PCDH9: variants seen among roughly 807,000 people sequenced by gnomAD.
PCDH9 encodes protocadherin 9, also known as protocadherin-9.
Under a neutral mutation model 70.6 loss-of-function variants are expected in PCDH9, and 24 were observed. That is an observed-to-expected ratio of 0.34 (90% CI 0.25 to 0.48). The LOEUF is 0.48. Among genes scored for constraint, PCDH9 ranks in the 20% least tolerant of loss-of-function variants. The probability of loss-of-function intolerance (pLI) is 0.99; values close to 1 mark genes in which losing one functional copy is unlikely to be tolerated. For synonymous variants in PCDH9, 562 were observed against 558.5 expected, an observed-to-expected ratio of 1.01 and a Z score of -0.09; for missense variants, 1,281 against 1,503.6, an observed-to-expected ratio of 0.85 and a Z score of 2.45.
At chr13:66,428,035 T>C (rs1252982835) in intron 4 of PCDH9, among the ~76,000 whole-genome samples, 3 of 151,716 alleles carry the variant, frequency 2.0e-5, no homozygotes, top group South Asian at 2.1e-4. Flanking sequence ...CTCTTCTTGA[T>C]GAAAAATATG....
chr13:66,818,495 T>C (rs2080647766), intron 3 of PCDH9, among the ~76,000 whole-genome samples: 1 of 152,132 alleles, frequency 6.6e-6, no homozygotes, highest in Admixed American at 6.5e-5. Flanking sequence ...TGCTGTGACA[T>C]AGTATCTGCA....
intron 3 of PCDH9, among the ~76,000 whole-genome samples, chr13:66,713,446 T>G (rs1036366156): frequency 4.6e-5 from 7 of 151,470 alleles, no homozygotes; most frequent in African/African-American, 1.5e-4. Context: ...ACTCATTCTC[T>G]ACTTCAAAGC....
chr13:66,811,618 A>C (rs2080507160), intron 3 of PCDH9, among the ~76,000 whole-genome samples: 1 of 142,462 alleles, frequency 7.0e-6, no homozygotes, highest in South Asian at 2.2e-4. Flanking sequence ...TGCCTGCCTA[A>C]CCTGCCTTCC....
intron 3 of PCDH9, among the ~76,000 whole-genome samples, chr13:66,790,728 C>T (rs2080151066): frequency 6.6e-6 from 1 of 151,902 alleles, no homozygotes; most frequent in Non-Finnish European, 1.5e-5. Context: ...ATTTATTTTT[C>T]AAGTGCCCAA....
chr13:66,544,073 A>G (rs1187918594), intron 4 of PCDH9, among the ~76,000 whole-genome samples: 1 of 152,234 alleles, frequency 6.6e-6, no homozygotes, highest in East Asian at 1.9e-4. Flanking sequence ...TCATTGAATT[A>G]TTTTCTTCCT....
intron 3 of PCDH9, among the ~76,000 whole-genome samples, chr13:66,695,409 T>G (rs2078548573): frequency 1.3e-5 from 2 of 152,184 alleles, no homozygotes; most frequent in Admixed American, 6.5e-5. Flanking sequence ...TTAAAATAAG[T>G]CTCAGTAATT....
intron 2 of PCDH9, among the ~76,000 whole-genome samples, chr13:66,958,450 T>C (rs2083296065): frequency 6.6e-6 from 1 of 152,224 alleles, no homozygotes; most frequent in African/African-American, 2.4e-5. Context: ...TTAAATTTTA[T>C]GAGGCTAGAA....
chr13:66,493,258 T>C (rs929822567), intron 4 of PCDH9, among the ~76,000 whole-genome samples: 1 of 152,142 alleles, frequency 6.6e-6, no homozygotes, highest in Non-Finnish European at 1.5e-5. Flanking sequence ...TGTGTTTTTG[T>C]GGCATTTGAA....
intron 2 of PCDH9, chr13:67,224,776 A>G (rs1040196708): frequency 2.2e-4 from 196 of 884,734 alleles, no homozygotes; most frequent in Non-Finnish European, 2.5e-4. Context: ...TGCGGACACT[A>G]AAAATCTTTC....
At chr13:66,419,590 G>A (rs1957525619) in intron 4 of PCDH9, among the ~76,000 whole-genome samples, 1 of 152,022 alleles carries the variant, frequency 6.6e-6, no homozygotes, top group Non-Finnish European at 1.5e-5. Context: ...AAGCCATGAG[G>A]GACTGTGTGC....
At chr13:67,072,801 A>G (rs1284070805) in intron 2 of PCDH9, among the ~76,000 whole-genome samples, 1 of 152,182 alleles carries the variant, frequency 6.6e-6, no homozygotes, top group Non-Finnish European at 1.5e-5. Context: ...CTGTTATATA[A>G]TAATGCATGA....
chr13:66,383,965 C>A (rs1307317781), intron 4 of PCDH9, among the ~76,000 whole-genome samples: 1 of 152,024 alleles, frequency 6.6e-6, no homozygotes, highest in East Asian at 1.9e-4. Context: ...ACTTAGATTT[C>A]ACATTAAAAA....
At chr13:66,791,183 C>A (rs1318532897) in intron 3 of PCDH9, among the ~76,000 whole-genome samples, 3 of 152,028 alleles carry the variant, frequency 2.0e-5, no homozygotes, top group Non-Finnish European at 4.4e-5. Flanking sequence ...TGCACATAAA[C>A]ACATGGAGAA....
chr13:67,136,956 A>G (rs1301048141), intron 2 of PCDH9, among the ~76,000 whole-genome samples: 3 of 151,966 alleles, frequency 2.0e-5, no homozygotes, highest in African/African-American at 7.2e-5. Flanking sequence ...GTTTCTATAA[A>G]ATGATTTATG....
chr13:66,460,948 G>A (rs945433436), intron 4 of PCDH9, among the ~76,000 whole-genome samples: 2 of 151,802 alleles, frequency 1.3e-5, no homozygotes, highest in African/African-American at 2.4e-5. Context: ...TAGCATTTAT[G>A]AAAAAGATCA....
intron 4 of PCDH9, among the ~76,000 whole-genome samples, chr13:66,394,509 T>A (rs902362541): frequency 2.0e-5 from 3 of 152,164 alleles, no homozygotes; most frequent in South Asian, 2.1e-4. Flanking sequence ...ATCTACAACA[T>A]AACTATGTGT....
chr13:67,171,188 G>T (rs2088275235), intron 2 of PCDH9, among the ~76,000 whole-genome samples: 1 of 151,870 alleles, frequency 6.6e-6, no homozygotes, highest in African/African-American at 2.4e-5. Flanking sequence ...TTTCCCACAG[G>T]GAATAATTTT....
chr13:66,351,020 A>G (rs757877293), intron 4 of PCDH9, among the ~76,000 whole-genome samples: 4 of 152,212 alleles, frequency 2.6e-5, no homozygotes, highest in Non-Finnish European at 4.4e-5. Flanking sequence ...AACATAACCA[A>G]GAAGATGGAC....
chr13:66,529,484 TTTTG>T (rs1243566620), intron 4 of PCDH9, among the ~76,000 whole-genome samples: 1 of 152,136 alleles, frequency 6.6e-6, no homozygotes, highest in African/African-American at 2.4e-5. Context: ...GTCTTTTTCC[TTTTG>T]TTTGTGTATC....
Sources: allele counts gnomAD v4.1 joint callset (sites outside exome capture counted in the v4.1 genomes callset), GRCh38; gene constraint gnomAD v4.1.1; transcripts MANE v1.5; gene names NCBI Gene and HGNC (gene_info 2026-07-23, HGNC 2026-07-21).